SHROOM3: variants seen among roughly 807,000 people sequenced by gnomAD.
The protein encoded by SHROOM3 is shroom family member 3.
In SHROOM3, 47 loss-of-function variants were observed where a neutral mutation model predicts 138.6. That is an observed-to-expected ratio of 0.34 (90% confidence interval 0.27 to 0.43). SHROOM3 has a LOEUF of 0.43. SHROOM3 is among the 20% of genes least tolerant of loss of function. The probability of loss-of-function intolerance (pLI) is 1.00; values close to 1 mark genes in which losing one functional copy is unlikely to be tolerated. For synonymous variants in SHROOM3, 1,062 were observed against 1,063.3 expected (o/e 1.00, Z 0.02); for missense variants, 2,491 against 2,596.5 (o/e 0.96, Z 0.88).
intron 9 of SHROOM3, among the ~76,000 whole-genome samples, chr4:76,766,612 C>A (rs1722163873): frequency 6.6e-6 from 1 of 152,184 alleles, no homozygotes; most frequent in African/African-American, 2.4e-5. Context: ...TCTTCTCCCT[C>A]CCCCGGTGAG....
At chr4:76,558,876 A>T (rs549605079) in intron 2 of SHROOM3, among the ~76,000 whole-genome samples, 1 of 152,176 alleles carries the variant, frequency 6.6e-6, no homozygotes, top group Non-Finnish European at 1.5e-5. Flanking sequence ...TGATGGCCAG[A>T]TGGTCCATCT....
chr4:76,757,055 A>G, intron 8 of SHROOM3, 118 bp downstream of exon 8: 4 of 1,527,720 alleles, frequency 2.6e-6, no homozygotes, highest in South Asian at 1.2e-5. Context: ...CTGAACCAAG[A>G]GTGACATTTT....
At chr4:76,483,951 G>A (rs148441033) in intron 1 of SHROOM3, among the ~76,000 whole-genome samples, 5,153 of 151,222 alleles carry the variant, frequency 0.034, 101 homozygotes, top group Middle Eastern at 0.071. Flanking sequence ...GTGAGAACAT[G>A]TGGACACAGG....
intron 6 of SHROOM3, among the ~76,000 whole-genome samples, chr4:76,750,367 A>G (rs1454014220): frequency 6.6e-6 from 1 of 152,206 alleles, no homozygotes; most frequent in African/African-American, 2.4e-5. Flanking sequence ...TTGCAGCAAC[A>G]TGGATGGAGC....
chr4:76,486,196 C>G (rs1443797298), intron 1 of SHROOM3, among the ~76,000 whole-genome samples: 1 of 152,152 alleles, frequency 6.6e-6, no homozygotes, highest in East Asian at 1.9e-4. Flanking sequence ...GCAATACTAA[C>G]TATACCAATT....
At chr4:76,684,868 C>T (rs1719293789) in intron 2 of SHROOM3, among the ~76,000 whole-genome samples, 1 of 152,210 alleles carries the variant, frequency 6.6e-6, no homozygotes, top group Non-Finnish European at 1.5e-5. Flanking sequence ...ATGTTCACTA[C>T]ATGAAATAGA....
At chr4:76,616,331 C>T (rs1052908305) in intron 2 of SHROOM3, among the ~76,000 whole-genome samples, 3 of 152,016 alleles carry the variant, frequency 2.0e-5, no homozygotes, top group Non-Finnish European at 4.4e-5. Flanking sequence ...AAACAAATTA[C>T]ATAAACAATA....
rs1722670140 is a variant in SHROOM3, at chr4:76,779,133, T to C, written c.5947T>C (p.Cys1983Arg). ...LTSEPIPAGG[C>R]TFSGIFPTLT... ...GAGTGAGCCCATTCCTGCTGGGGGC[T>C]GTACTTTCAGTGGTATTTTCCCAAC... The change falls in exon 11 of 11, where the codon TGT becomes CGT. Residue 1983 changes from cysteine (C) to arginine (R), a missense_variant. Cys to Arg is a radical substitution (Grantham distance 180). Coordinates refer to ENST00000296043, the MANE Select transcript of SHROOM3 (RefSeq NM_020859.4). The C allele has an allele frequency of 5.0e-6, 8 of 1,613,940 alleles. No individual in the cohort carries two copies. Among genetic ancestry groups the C allele is most frequent in the East Asian group, 4.5e-5 (2 of 44,872 alleles).
At chr4:76,738,486 G>A (rs531987116) in intron 4 of SHROOM3, among the ~76,000 whole-genome samples, 28 of 152,262 alleles carry the variant, frequency 1.8e-4, no homozygotes, top group African/African-American at 6.7e-4. Context: ...AGTGCTGCCT[G>A]TGCCCAAAGG....
At chr4:76,566,223 G>A (rs1046455293) in intron 2 of SHROOM3, among the ~76,000 whole-genome samples, 21 of 151,396 alleles carry the variant, frequency 1.4e-4, no homozygotes, top group African/African-American at 4.6e-4. Flanking sequence ...AGTGATTCAC[G>A]TAGCATTTAC....
At chr4:76,691,871 G>T (rs981784465) in intron 2 of SHROOM3, among the ~76,000 whole-genome samples, 1 of 152,098 alleles carries the variant, frequency 6.6e-6, no homozygotes, top group South Asian at 2.1e-4. Context: ...AATTATTCTT[G>T]TAAGTTCTGT....
At chr4:76,500,712 G>A (rs1560525817) in intron 1 of SHROOM3, among the ~76,000 whole-genome samples, 1 of 152,142 alleles carries the variant, frequency 6.6e-6, no homozygotes, top group Non-Finnish European at 1.5e-5. Flanking sequence ...AACTATGGAA[G>A]TTGGATACCT....
chr4:76,456,881 T>A (rs1731037847), intron 1 of SHROOM3, among the ~76,000 whole-genome samples: 2 of 152,136 alleles, frequency 1.3e-5, no homozygotes, highest in African/African-American at 4.8e-5. Flanking sequence ...GAGCAGTGTT[T>A]TGCAGGCAGG....
intron 1 of SHROOM3, among the ~76,000 whole-genome samples, chr4:76,511,000 G>T (rs1329531007): frequency 6.6e-6 from 1 of 152,008 alleles, no homozygotes; most frequent in Non-Finnish European, 1.5e-5. Context: ...GGCCAACATG[G>T]TGAAACCCCG....
intron 2 of SHROOM3, among the ~76,000 whole-genome samples, chr4:76,656,075 G>C (rs1055882545): frequency 5.9e-5 from 9 of 152,122 alleles, no homozygotes; most frequent in African/African-American, 1.9e-4. Context: ...CTGGAGTCAG[G>C]GACTCAGGCA....
intron 10 of SHROOM3, among the ~76,000 whole-genome samples, chr4:76,772,375 G>A (rs36013312): frequency 0.059 from 9,035 of 151,870 alleles, 302 homozygotes; most frequent in Non-Finnish European, 0.071. Context: ...AAGTGCTGGG[G>A]TTACAGGCGT....
chr4:76,757,013 AGTTGCCTGAT>A (rs2110145746), intron 8 of SHROOM3, 76 bp downstream of exon 8: 1 of 1,608,110 alleles, frequency 6.2e-7, no homozygotes, highest in Non-Finnish European at 8.5e-7. Flanking sequence ...GTCTAGGACT[AGTTGCCTGAT>A]GTTCTCCTAC....
intron 2 of SHROOM3, among the ~76,000 whole-genome samples, chr4:76,692,658 T>G (rs1388270452): frequency 6.6e-6 from 1 of 152,164 alleles, no homozygotes. Flanking sequence ...GGCACATCCA[T>G]ACAATGAATA....
chr4:76,564,417 G>A (rs1733656515), intron 2 of SHROOM3, among the ~76,000 whole-genome samples: 2 of 152,184 alleles, frequency 1.3e-5, no homozygotes. Flanking sequence ...AGTATGCTTT[G>A]AGGAGGTATT....
Sources: allele counts gnomAD v4.1 joint callset (sites outside exome capture counted in the v4.1 genomes callset), GRCh38; gene constraint gnomAD v4.1.1; transcripts MANE v1.5; gene names NCBI Gene and HGNC (gene_info 2026-07-23, HGNC 2026-07-21).